The following CRYBG3 variants were observed in gnomAD, a reference collection of about 807,000 sequenced individuals.
CRYBG3 encodes very large A-kinase anchor protein.
Under a neutral mutation model 244.2 loss-of-function variants are expected in CRYBG3, and 127 were observed. The observed-to-expected ratio is 0.52, with a 90% CI of 0.45 to 0.60. The LOEUF (loss-of-function observed/expected upper bound fraction) is 0.60, where lower values mean the gene tolerates loss of function less well. Among genes scored for constraint, CRYBG3 ranks in the 20% least tolerant of loss-of-function variants. The probability of loss-of-function intolerance (pLI) is 0.00; values close to 1 mark genes in which losing one functional copy is unlikely to be tolerated. For synonymous variants in CRYBG3, 1,132 were observed against 1,195.8 expected, an observed-to-expected ratio of 0.95 and a Z score of 1.10; for missense variants, 3,325 against 3,442.5, an observed-to-expected ratio of 0.97 and a Z score of 0.85.
At chr3:97,867,734 T>A (rs1360351852) in intron 3 of CRYBG3, among the ~76,000 whole-genome samples, 1 of 152,258 alleles carries the variant, frequency 6.6e-6, no homozygotes, top group Non-Finnish European at 1.5e-5. Flanking sequence ...ACAAAATGCA[T>A]GAAGTTAATA....
chr3:97,881,059 T>A lies in CRYBG3; in HGVS notation c.7005-13T>A. 6.4e-7 allele frequency: 1 copy of A among 1,570,676 alleles called. No individual in the cohort carries two copies. The highest frequency in any genetic ancestry group is 8.6e-7 in the Non-Finnish European group (1 of 1,163,332). ...ATTAAATATAACTCATCATTGCATT[T>A]CTCTTTGTTTAGCTGGATTTTATAT... On this transcript the variant is annotated splice_polypyrimidine_tract_variant and intron_variant, in intron 6 of 21. Transcript: ENST00000389622.
At chr3:97,887,439 C>T (rs919161968) in intron 8 of CRYBG3, among the ~76,000 whole-genome samples, 1 of 152,090 alleles carries the variant, frequency 6.6e-6, no homozygotes, top group African/African-American at 2.4e-5. Context: ...TTTGTCTCCC[C>T]CACATGTGAA....
intron 3 of CRYBG3, among the ~76,000 whole-genome samples, chr3:97,866,709 A>AT (rs1377121946): frequency 6.6e-6 from 1 of 152,002 alleles, no homozygotes; most frequent in Admixed American, 6.6e-5. Context: ...GTTAGGTCAG[A>AT]TTTTTTTTCT....
At chr3:97,862,405 T>C (rs1012283546) in intron 2 of CRYBG3, among the ~76,000 whole-genome samples, 1 of 152,174 alleles carries the variant, frequency 6.6e-6, no homozygotes, top group East Asian at 1.9e-4. Flanking sequence ...TGTAGTTCGC[T>C]TTCTTCAAGT....
At chr3:97,928,122 C>T (rs2040059763) in intron 17 of CRYBG3, among the ~76,000 whole-genome samples, 1 of 151,940 alleles carries the variant, frequency 6.6e-6, no homozygotes, top group Admixed American at 6.6e-5. Flanking sequence ...CAGCACTATT[C>T]ACAATAGCAA....
At chr3:97,856,007 A>T (rs1350160830) in intron 2 of CRYBG3, among the ~76,000 whole-genome samples, 1 of 151,992 alleles carries the variant, frequency 6.6e-6, no homozygotes, top group Non-Finnish European at 1.5e-5. Context: ...ATTAGGCGGG[A>T]ATTTCCTCTT....
At chr3:97,898,406 T>TTAAATGTGTTAA (rs2039664310) in intron 12 of CRYBG3, among the ~76,000 whole-genome samples, 2 of 152,194 alleles carry the variant, frequency 1.3e-5, no homozygotes, top group Non-Finnish European at 2.9e-5. Context: ...GTTGACTCAC[T>TTAAATGTGTTAA]ATAAATTTTT....
In CRYBG3 at chr3:97,877,116, G is replaced by A. The variant is rs753902302; in HGVS notation, c.5922G>A (p.Arg1974=). 1.2e-6 allele frequency: 2 copies of A among 1,613,796 alleles called. No individual in the cohort carries two copies. The highest frequency in any genetic ancestry group is 1.7e-6 in the Non-Finnish European group (2 of 1,179,794). ...CTCTTACTGCAATATATGACAAGAG[G>A]AGAGAGACAGATTATAGTGACAAAG... is the stretch of plus-strand genomic sequence containing the variant. ...RMSLTAIYDK[R]RETDYSDKGY... The change falls in exon 4 of 22, where the codon AGG becomes AGA. Residue 1974 remains arginine, a synonymous_variant. Transcript: ENST00000389622.
intron 2 of CRYBG3, among the ~76,000 whole-genome samples, chr3:97,859,551 T>G (rs2039116096): frequency 6.6e-6 from 1 of 152,224 alleles, no homozygotes; most frequent in Non-Finnish European, 1.5e-5. Context: ...TGTTGATTAT[T>G]TATTGAATGA....
At chr3:97,881,384 G>A (rs1340093954) in intron 7 of CRYBG3, among the ~76,000 whole-genome samples, 165 bp downstream of exon 7, 2 of 152,096 alleles carry the variant, frequency 1.3e-5, no homozygotes, top group African/African-American at 2.4e-5. Context: ...AGAGTGAATG[G>A]CAATTAAAAA....
intron 1 of CRYBG3, among the ~76,000 whole-genome samples, chr3:97,826,344 T>C (rs1459803268): frequency 1.3e-5 from 2 of 152,194 alleles, no homozygotes; most frequent in Non-Finnish European, 2.9e-5. Context: ...GTACCACAAA[T>C]TGACCTGCAG....
intron 2 of CRYBG3, among the ~76,000 whole-genome samples, chr3:97,846,498 C>T (rs2038903328): frequency 6.6e-6 from 1 of 152,190 alleles, no homozygotes; most frequent in African/African-American, 2.4e-5. Context: ...ATCTCAAATT[C>T]AGTTTCTCCA....
rs551894132 is a variant in CRYBG3 at position 97,866,363 on chromosome 3, C to T, written c.647+1716C>T. 2.0e-5 allele frequency among the ~76,000 whole-genome samples: 3 copies of T among 152,240 alleles called. No homozygotes were observed. The East Asian group carries it at 5.8e-4, about 29-fold the overall frequency. The stretch of plus-strand genomic sequence containing the variant: ...GAACATATATTTGGAAACCAGTGTC[C>T]GACAGCAGAAAAGTGGCTCAATTGT... On this transcript the variant is annotated intron_variant, in intron 3 of 21. Transcript: ENST00000389622.
At chr3:97,828,846 T>C (rs1207530029) in intron 1 of CRYBG3, among the ~76,000 whole-genome samples, 25 of 123,006 alleles carry the variant, frequency 2.0e-4, no homozygotes, top group African/African-American at 7.1e-4. Flanking sequence ...AAAAAAAAAA[T>C]AACAAAAACA....
At chr3:97,880,927 C>T in intron 6 of CRYBG3, 145 bp from the exon 7 acceptor site, 1 of 538,836 alleles carries the variant, frequency 1.9e-6, no homozygotes, top group Non-Finnish European at 3.2e-6. Context: ...TAGCATATAT[C>T]ATTGTTTCAA....
Position 97,874,592 on chromosome 3 carries a change from C to G in CRYBG3, c.3398C>G (p.Thr1133Ser), listed in dbSNP as rs887187551. ...TPFQEHFGIY[T>S]GKISIDFPTA... The stretch of plus-strand genomic sequence containing the variant: ...TTTCAGGAACATTTTGGGATTTATA[C>G]TGGGAAGATATCCATTGATTTCCCA... The change falls in exon 4 of 22, where the codon ACT (threonine) becomes AGT (serine). Residue 1133 changes from threonine to serine, a missense_variant. By Grantham distance (58) the Thr-to-Ser change is moderately conservative. This residue lies in a region of CRYBG3 where 1,526 missense variants were observed against 1,443.2 expected (regional missense o/e 1.06). Coordinates refer to ENST00000389622, the MANE Select transcript of CRYBG3 (RefSeq NM_153605.4). 1 of 1,536,004 alleles carries G rather than the reference C, an allele frequency of 6.5e-7. No individual in the cohort carries two copies. Among genetic ancestry groups the G allele is most frequent in the Non-Finnish European group, 8.7e-7 (1 of 1,146,844 alleles).
chr3:97,937,097 A>G (rs1241164322), intron 19 of CRYBG3, among the ~76,000 whole-genome samples, 189 bp downstream of exon 19: 1 of 152,072 alleles, frequency 6.6e-6, no homozygotes, highest in African/African-American at 2.4e-5. Context: ...TCAACATTGG[A>G]TTTCAGTTTT....
At chr3:97,863,834 A>T (rs1489446151) in intron 2 of CRYBG3, among the ~76,000 whole-genome samples, 7 of 152,110 alleles carry the variant, frequency 4.6e-5, no homozygotes, top group African/African-American at 1.7e-4. Context: ...TTAGGAGCTG[A>T]CACCTCACTA....
rs1269889015 is a variant in CRYBG3 at position 97,905,514 on chromosome 3, A to C, written c.8004+5029A>C. Among the ~76,000 whole-genome samples the C allele has an allele frequency of 2.0e-5, 3 of 151,966 alleles. 1 individual carries two copies. Among genetic ancestry groups the C allele is most frequent in the Admixed American group, 2.0e-4 (3 of 15,252 alleles). On this transcript the variant is annotated intron_variant, in intron 15 of 21. Coordinates refer to ENST00000389622, the MANE Select transcript of CRYBG3 (RefSeq NM_153605.4). ...GGCCAGTGATGATGAGCATTTTTTC[A>C]TGTGTGTTTTGGCTGCATAAATGTC...
Sources: gnomAD v4.1 joint callset for allele counts (sites outside exome capture counted in the v4.1 genomes callset) on GRCh38, gnomAD v4.1.1 for gene constraint, gnomAD v4.1.1 regional missense constraint, MANE v1.5 for transcripts, NCBI Gene and HGNC (gene_info 2026-07-23, HGNC 2026-07-21) for gene names.